ITPR3: variants seen among roughly 807,000 people sequenced by gnomAD.
ITPR3 encodes the protein inositol 1,4,5-trisphosphate receptor type 3.
Under a neutral mutation model 293.2 loss-of-function variants are expected in ITPR3, and 173 were observed. The observed-to-expected ratio is 0.59, with a 90% confidence interval of 0.52 to 0.67. The LOEUF (loss-of-function observed/expected upper bound fraction) is 0.67, where lower values mean the gene tolerates loss of function less well. ITPR3 is among the 30% of genes least tolerant of loss of function. The pLI is 0.00. For missense variants in ITPR3, 2,796 were observed against 3,592.1 expected (o/e 0.78, Z 5.66); for synonymous variants, 1,295 against 1,444.4 (o/e 0.90, Z 2.35).
In ITPR3 at chr6:33,655,905, G is replaced by A. The variant is rs781556323; in HGVS notation, c.282+18G>A. The A allele has an allele frequency of 1.2e-6, 2 of 1,613,268 alleles. No individual in the cohort carries two copies. The highest frequency in any genetic ancestry group is 2.7e-5 in the African/African-American group (2 of 74,874). ...AGCTGCAGGTATGTGTGTGTGTGCA[G>A]GCGTGCATCTGTGCACATGTACCAG... On this transcript the variant is annotated intron_variant, in intron 3 of 57. Transcript: ENST00000605930. The surrounding 1 kb of genome is among the most constrained non-coding windows in gnomAD (Gnocchi z 4.9).
Position 33,667,583 on chromosome 6 carries a change from G to A in ITPR3, c.1714-209G>A, listed in dbSNP as rs1285736730. Among the ~76,000 whole-genome samples, 1 of 152,334 alleles carries A rather than the reference G, an allele frequency of 6.6e-6. No homozygotes were observed. The highest frequency in any genetic ancestry group is 1.9e-4 in the East Asian group (1 of 5,180). ...CAAACAAGGTCCCTGCCCTCGTGGA[G>A]GTTTCGCTCTGGTGGGAAACAGCCC... is the stretch of plus-strand genomic sequence containing the variant. On this transcript the variant is annotated intron_variant, in intron 15 of 57. Transcript: ENST00000605930. This position sits in a 1 kb window ranked among gnomAD's most constrained non-coding sequence, Gnocchi z 4.4.
In ITPR3 at chr6:33,667,674, C is replaced by CT. The variant is rs1764646701; in HGVS notation, c.1714-117dup. On this transcript the variant is annotated intron_variant, in intron 15 of 57. Coordinates refer to ENST00000605930, the MANE Select transcript of ITPR3 (RefSeq NM_002224.4). The surrounding 1 kb of genome is among the most constrained non-coding windows in gnomAD (Gnocchi z 4.4). ...CAGCGATGCTTCCTTTCCTGGACCTCTGCCTTTCTAGGGTATTGGGTCCTT... is the reference window on the plus strand; with the variant it reads ...CAGCGATGCTTCCTTTCCTGGACCTCTTGCCTTTCTAGGGTATTGGGTCCTT... 2 of 1,110,656 alleles carry CT rather than the reference C, an allele frequency of 1.8e-6. No individual in the cohort carries two copies. Among genetic ancestry groups the CT allele is most frequent in the Non-Finnish European group, 2.6e-6 (2 of 780,744 alleles). The allele number at this position is 1,110,656 out of a possible 1,614,324, so 68.8% of individuals were successfully genotyped here. A position where few individuals can be genotyped will look rare whatever the true frequency, so the allele number is the denominator to read the frequency against.
In ITPR3 at chr6:33,670,613, C is replaced by T; in HGVS notation, c.2441+37C>T. 6.2e-7 allele frequency: 1 copy of T among 1,612,326 alleles called. No individual in the cohort carries two copies. Among genetic ancestry groups the T allele is most frequent in the Non-Finnish European group, 8.5e-7 (1 of 1,179,210 alleles). The stretch of plus-strand genomic sequence containing the variant: ...GGAGGCAGGGTGGGCGGGGCAGGGG[C>T]AGAGGCTGGAGTGGGTGTATCTCGG... On this transcript the variant is annotated intron_variant, in intron 19 of 57. Coordinates refer to ENST00000605930, the MANE Select transcript of ITPR3 (RefSeq NM_002224.4). The surrounding 1 kb of genome is among the most constrained non-coding windows in gnomAD (Gnocchi z 6.7).
chr6:33,667,284 G>A lies in ITPR3; in HGVS notation c.1707G>A (p.Lys569=). The change falls in exon 15 of 58, where the codon AAG becomes AAA. Residue 569 remains lysine (K), a synonymous_variant. Transcript: ENST00000605930. The surrounding 1 kb of genome is among the most constrained non-coding windows in gnomAD (Gnocchi z 4.4). ...GGCATTCCCAGGAGGACTACCGCAA[G>A]AACCAGGTGCGCCGCTGCCCTGCTG... ...VLRHSQEDYR[K]NQEHIAKQFG... is the part of the protein sequence containing the mutation. 1 of 1,611,984 alleles carries A rather than the reference G, an allele frequency of 6.2e-7. No individual in the cohort carries two copies. Among genetic ancestry groups the A allele is most frequent in the South Asian group, 1.1e-5 (1 of 90,970 alleles).
In ITPR3 at chr6:33,648,073, T is replaced by C. The variant is rs1403019960; in HGVS notation, c.160+7519T>C. Among the ~76,000 whole-genome samples the C allele has an allele frequency of 4.0e-5, 6 of 151,108 alleles. No individual in the cohort carries two copies. The East Asian group carries it at 5.8e-4, about 15-fold the overall frequency. Reference sequence around the variant, plus strand: ...ATTATTCTATTTCTTTTTCTTTTTTTTTTTTTTTTTGAGACAGGGTCTTGC... The same window carrying C: ...ATTATTCTATTTCTTTTTCTTTTTTCTTTTTTTTTTGAGACAGGGTCTTGC... On this transcript the variant is annotated intron_variant, in intron 2 of 57. Coordinates refer to ENST00000605930, the MANE Select transcript of ITPR3 (RefSeq NM_002224.4).
chr6:33,643,648 G>T (rs1033796651), intron 2 of ITPR3, among the ~76,000 whole-genome samples: 57 of 152,242 alleles, frequency 3.7e-4, no homozygotes, highest in African/African-American at 1.3e-3. Context: ...TCCTGTTGGG[G>T]CAAGGGACCT....
intron 17 of ITPR3, 97 bp downstream of exon 17, chr6:33,668,731 C>G: frequency 6.4e-7 from 1 of 1,553,378 alleles, no homozygotes; most frequent in African/African-American, 1.3e-5. Context: ...CTGGAACTGG[C>G]ACCCTTGCTC....
rs1310931241 is a variant in ITPR3, at chr6:33,666,608, T to TG, written c.1552-521_1552-520insG. Among the ~76,000 whole-genome samples, 4 of 152,062 alleles carry TG rather than the reference T, an allele frequency of 2.6e-5. No individual in the cohort carries two copies. Among genetic ancestry groups the TG allele is most frequent in the East Asian group, 1.9e-4 (1 of 5,178 alleles). On this transcript the variant is annotated intron_variant, in intron 14 of 57. Coordinates refer to ENST00000605930, the MANE Select transcript of ITPR3 (RefSeq NM_002224.4). The surrounding 1 kb of genome is among the most constrained non-coding windows in gnomAD (Gnocchi z 5.1). ...CCAGAATGTCTTTGTAAAGTTTGTT[T>TG]TTTTTTTTTTAGAAACGAGGATCCA...
rs144277906 is a variant in ITPR3 at position 33,649,779 on chromosome 6, G to A, written c.161-5987G>A. On this transcript the variant is annotated intron_variant, in intron 2 of 57. Transcript: ENST00000605930. ...GAACCATGTGGGGTAGAAAGGGAGT[G>A]GGGGAGAGGTGCCTTTAAAAATGCA... Among the ~76,000 whole-genome samples the A allele has an allele frequency of 1.1e-3, 162 of 152,284 alleles. 2 individuals carry two copies. The highest frequency in any genetic ancestry group is 1.0e-2 in the South Asian group (48 of 4,824).
rs781112320 is a variant in ITPR3, at chr6:33,665,974, CA to C, written c.1550del (p.Gln517ArgfsTer6). The C allele has an allele frequency of 2.7e-5, 44 of 1,604,136 alleles. No homozygotes were observed. The highest frequency in any genetic ancestry group is 3.6e-5 in the Non-Finnish European group (42 of 1,175,162). On this transcript the variant is annotated frameshift_variant and splice_region_variant, in exon 14 of 58. Transcript: ENST00000605930. LOFTEE classifies it high-confidence loss of function. ...KLMREQNILKQVFGILKAPFR... is the reference protein window; with the variant it reads ...KLMREQNILKXVFGILKAPFR... ...GATGAGGGAGCAGAACATCCTCAAA[CA>C]GGTGCGTGTGCACCCATGAGGGGAC...
At chr6:33,640,668 C>A in intron 2 of ITPR3, 114 bp downstream of exon 2, 1 of 811,386 alleles carries the variant, frequency 1.2e-6, no homozygotes, top group Non-Finnish European at 2.0e-6. Context: ...TGTGGCGCTG[C>A]CCTGCAGACC....
chr6:33,621,528 C>T lies in ITPR3; in HGVS notation c.-75C>T. Reference sequence around the variant, plus strand: ...GTACCCCTCCCCGCTCCCCGGACGCCTCAGTCCTCCGCACTGAGCTTGGCC... The same window carrying T: ...GTACCCCTCCCCGCTCCCCGGACGCTTCAGTCCTCCGCACTGAGCTTGGCC... On this transcript the variant is annotated 5_prime_UTR_variant, in exon 1 of 58. Transcript: ENST00000605930. This position sits in a 1 kb window ranked among gnomAD's most constrained non-coding sequence, Gnocchi z 7.7. 2 of 1,106,786 alleles carry T rather than the reference C, an allele frequency of 1.8e-6. No homozygotes were observed. Among genetic ancestry groups the T allele is most frequent in the South Asian group, 2.7e-5 (2 of 75,094 alleles). 68.6% of individuals were successfully genotyped at this position (1,106,786 alleles called of 1,614,324 possible).
Position 33,692,008 on chromosome 6 carries a change from G to C in ITPR3, c.7458+80G>C. The stretch of plus-strand genomic sequence containing the variant: ...AGCAACTGTGGAGAGTCCTGTCCTT[G>C]GCCTCGCGTCAGATATTCAGGGTTG... On this transcript the variant is annotated intron_variant, in intron 54 of 57. Coordinates refer to ENST00000605930, the MANE Select transcript of ITPR3 (RefSeq NM_002224.4). This position sits in a 1 kb window ranked among gnomAD's most constrained non-coding sequence, Gnocchi z 4.2. The C allele has an allele frequency of 6.3e-7, 1 of 1,583,420 alleles. No homozygotes were observed. Among genetic ancestry groups the C allele is most frequent in the South Asian group, 1.1e-5 (1 of 90,434 alleles).
In ITPR3 at chr6:33,687,978, A is replaced by G. The variant is rs1443055217; in HGVS notation, c.6265-79A>G. 40 of 1,144,452 alleles carry G rather than the reference A, an allele frequency of 3.5e-5. No individual in the cohort carries two copies. In the East Asian group the frequency reaches 9.5e-4, roughly 27 times the overall value. The allele number at this position is 1,144,452 out of a possible 1,614,324, so 70.9% of individuals were successfully genotyped here. ...TGAAGTGTAGTTCAGAGCTAGGCGA[A>G]GGCCTGGGAGGGTGGGGGCTGAGTG... On this transcript the variant is annotated intron_variant, in intron 46 of 57. Coordinates refer to ENST00000605930, the MANE Select transcript of ITPR3 (RefSeq NM_002224.4). The surrounding 1 kb of genome is among the most constrained non-coding windows in gnomAD (Gnocchi z 5.3).
rs770436838 is a variant in ITPR3 at position 33,663,887 on chromosome 6, A to T, written c.1148+7A>T. 6.2e-7 allele frequency: 1 copy of T among 1,613,928 alleles called. No individual in the cohort carries two copies. Among genetic ancestry groups the T allele is most frequent in the East Asian group, 2.2e-5 (1 of 44,860 alleles). On this transcript the variant is annotated splice_region_variant and intron_variant, in intron 11 of 57. Transcript: ENST00000605930. ...CCGACTCTTTCGTGCCCCGGTGGGT[A>T]TGCGCCATGTGCCTGGGAGTTGACT...
intron 1 of ITPR3, among the ~76,000 whole-genome samples, chr6:33,636,016 G>A (rs1203515787): frequency 6.6e-6 from 1 of 151,716 alleles, no homozygotes; most frequent in African/African-American, 2.4e-5. Context: ...GCCGGGTTCG[G>A]TGGCTCACGC....
Position 33,658,486 on chromosome 6 carries a change from G to T in ITPR3, c.370-184G>T, listed in dbSNP as rs538323043. On this transcript the variant is annotated intron_variant, in intron 4 of 57. Coordinates refer to ENST00000605930, the MANE Select transcript of ITPR3 (RefSeq NM_002224.4). This position sits in a 1 kb window ranked among gnomAD's most constrained non-coding sequence, Gnocchi z 6.1. The stretch of plus-strand genomic sequence containing the variant: ...GTGTCCATGGGGGTGTGCCTGTTGT[G>T]TGCACGTTTGTGTGTGATTGTGGTT... 1.9e-3 allele frequency among the ~76,000 whole-genome samples: 284 copies of T among 152,292 alleles called. 1 individual carries two copies. The highest frequency in any genetic ancestry group is 6.1e-3 in the African/African-American group (254 of 41,550).
At chr6:33,646,731 A>G (rs569835434) in intron 2 of ITPR3, among the ~76,000 whole-genome samples, 1 of 152,226 alleles carries the variant, frequency 6.6e-6, no homozygotes, top group South Asian at 2.1e-4. Flanking sequence ...CAGCCTGGGC[A>G]ACATGGCGAA....
At chr6:33,688,459 G>GCC in intron 48 of ITPR3, 28 bp downstream of exon 48, 1 of 440,068 alleles carries the variant, frequency 2.3e-6, no homozygotes, top group Non-Finnish European at 4.4e-6. Context: ...GGAGGGTGGG[G>GCC]CGGTCTGGAG....
Sources: gnomAD v4.1 joint callset for allele counts (sites outside exome capture counted in the v4.1 genomes callset) on GRCh38, gnomAD v4.1.1 for gene constraint, Gnocchi (gnomAD v3.1) non-coding constraint, MANE v1.5 for transcripts, NCBI Gene and HGNC (gene_info 2026-07-23, HGNC 2026-07-21) for gene names.